The following LRRC4C variants were observed in gnomAD, a reference collection of about 807,000 sequenced individuals.
LRRC4C encodes leucine rich repeat containing 4C.
In LRRC4C, 5 loss-of-function variants were observed where a neutral mutation model predicts 33.6. The observed-to-expected ratio is 0.15, with a 90% CI of 0.08 to 0.31. LRRC4C has a LOEUF of 0.31. LRRC4C is among the 10% of genes least tolerant of loss of function. The probability of loss-of-function intolerance (pLI) is 1.00; values close to 1 mark genes in which losing one functional copy is unlikely to be tolerated. For missense variants in LRRC4C, 560 were observed against 796.7 expected (o/e 0.70, Z 3.58); for synonymous variants, 329 against 302.0 (o/e 1.09, Z -0.93).
At chr11:41,419,896 A>C (rs1009238037) in intron 1 of LRRC4C, among the ~76,000 whole-genome samples, 2 of 151,916 alleles carry the variant, frequency 1.3e-5, no homozygotes, top group African/African-American at 4.8e-5. Flanking sequence ...CTGCCTTAAG[A>C]TGCCCTAAAT....
At chr11:41,010,924 A>G (rs1439720751) in intron 1 of LRRC4C, among the ~76,000 whole-genome samples, 1 of 152,186 alleles carries the variant, frequency 6.6e-6, no homozygotes, top group Non-Finnish European at 1.5e-5. Flanking sequence ...AGGATTGAAA[A>G]TATTGGAGCC....
intron 3 of LRRC4C, among the ~76,000 whole-genome samples, chr11:40,370,203 C>T: frequency 6.6e-6 from 1 of 152,106 alleles, no homozygotes; most frequent in East Asian, 1.9e-4. Context: ...AGCTGAGAGC[C>T]AGCCAGTAGG....
chr11:41,414,446 C>T (rs555144119), intron 1 of LRRC4C, among the ~76,000 whole-genome samples: 9 of 152,278 alleles, frequency 5.9e-5, no homozygotes, highest in South Asian at 2.1e-4. Flanking sequence ...TTTTTATTCA[C>T]GAATAGCATC....
intron 3 of LRRC4C, among the ~76,000 whole-genome samples, chr11:40,377,330 T>C (rs1374727645): frequency 6.6e-6 from 1 of 152,166 alleles, no homozygotes; most frequent in Non-Finnish European, 1.5e-5. Context: ...CAATGGCATA[T>C]ACTATATAGT....
intron 5 of LRRC4C, among the ~76,000 whole-genome samples, chr11:40,188,369 A>G (rs1299072416): frequency 6.6e-6 from 1 of 152,234 alleles, no homozygotes; most frequent in African/African-American, 2.4e-5. Context: ...TGAACACAAT[A>G]TATTTGGCAT....
chr11:41,251,986 A>C (rs1329681632), intron 1 of LRRC4C, among the ~76,000 whole-genome samples: 2 of 152,204 alleles, frequency 1.3e-5, no homozygotes, highest in Non-Finnish European at 2.9e-5. Context: ...CTTCAGATAT[A>C]TGCATGCCAG....
chr11:40,763,054 T>C (rs1591652401), intron 2 of LRRC4C, among the ~76,000 whole-genome samples: 1 of 45,100 alleles, frequency 2.2e-5, no homozygotes, highest in Admixed American at 1.8e-4. Flanking sequence ...TCTCCAAATA[T>C]ATATATATGT....
intron 2 of LRRC4C, among the ~76,000 whole-genome samples, chr11:40,694,018 A>T (rs1459507843): frequency 6.6e-6 from 1 of 152,124 alleles, no homozygotes; most frequent in Non-Finnish European, 1.5e-5. Flanking sequence ...GACCGTGAAA[A>T]ACAAAACAAT....
intron 5 of LRRC4C, among the ~76,000 whole-genome samples, chr11:40,236,740 T>C (rs1865591156): frequency 6.6e-6 from 1 of 152,092 alleles, no homozygotes; most frequent in Admixed American, 6.5e-5. Context: ...GACACAGGAC[T>C]TGAGAGGGAG....
intron 1 of LRRC4C, among the ~76,000 whole-genome samples, chr11:40,988,080 T>G (rs1395690291): frequency 2.6e-5 from 4 of 152,122 alleles, no homozygotes; most frequent in Non-Finnish European, 5.9e-5. Context: ...TACAGCTGGT[T>G]CCTCTATAGA....
At chr11:40,996,439 T>C (rs372941985) in intron 1 of LRRC4C, among the ~76,000 whole-genome samples, 5 of 152,220 alleles carry the variant, frequency 3.3e-5, no homozygotes, top group African/African-American at 1.2e-4. Context: ...TGTAGGCAAA[T>C]ATCAAGGAGC....
chr11:40,403,065 A>T (rs1949822186), intron 3 of LRRC4C, among the ~76,000 whole-genome samples: 1 of 152,104 alleles, frequency 6.6e-6, no homozygotes, highest in African/African-American at 2.4e-5. Context: ...TATAATTTGT[A>T]TGGCCTTCCC....
At chr11:40,532,389 A>C (rs563072766) in intron 3 of LRRC4C, among the ~76,000 whole-genome samples, 2 of 151,992 alleles carry the variant, frequency 1.3e-5, no homozygotes, top group East Asian at 3.9e-4. Context: ...AATAATAATA[A>C]TTATTATTAT....
At chr11:40,448,840 G>A (rs1457438346) in intron 3 of LRRC4C, among the ~76,000 whole-genome samples, 5 of 152,164 alleles carry the variant, frequency 3.3e-5, no homozygotes, top group Admixed American at 3.3e-4. Context: ...TTCCACAATA[G>A]TTGAACTAAT....
chr11:41,245,514 G>A (rs766100226), intron 1 of LRRC4C, among the ~76,000 whole-genome samples: 2 of 152,160 alleles, frequency 1.3e-5, no homozygotes, highest in Non-Finnish European at 2.9e-5. Flanking sequence ...CAGCTTCCAC[G>A]GCTGGCACTG....
At chr11:41,134,367 A>T (rs1023298691) in intron 1 of LRRC4C, among the ~76,000 whole-genome samples, 6 of 152,078 alleles carry the variant, frequency 3.9e-5, no homozygotes, top group African/African-American at 1.4e-4. Context: ...GCCTCCCAAC[A>T]TGTCAGGCAC....
intron 2 of LRRC4C, among the ~76,000 whole-genome samples, chr11:40,687,407 T>C (rs955746140): frequency 6.6e-6 from 1 of 152,076 alleles, no homozygotes; most frequent in Non-Finnish European, 1.5e-5. Context: ...ATCTATTAGA[T>C]AGATAGATAG....
At chr11:40,398,049 A>T (rs2137516828) in intron 3 of LRRC4C, among the ~76,000 whole-genome samples, 1 of 152,108 alleles carries the variant, frequency 6.6e-6, no homozygotes, top group South Asian at 2.1e-4. Flanking sequence ...AGGAAAAGAT[A>T]ATTTGAACTT....
chr11:40,432,227 T>A (rs78763229), intron 3 of LRRC4C, among the ~76,000 whole-genome samples: 2,551 of 152,202 alleles, frequency 0.017, 79 homozygotes, highest in African/African-American at 0.058. Context: ...TTGCTAATCA[T>A]CCTGCCCAAG....
Sources: gnomAD v4.1 joint callset for allele counts (sites outside exome capture counted in the v4.1 genomes callset) on GRCh38, gnomAD v4.1.1 for gene constraint, MANE v1.5 for transcripts, NCBI Gene and HGNC (gene_info 2026-07-23, HGNC 2026-07-21) for gene names.